The following CLASP2 variants were observed in gnomAD, a reference collection of about 807,000 sequenced individuals.
CLASP2 encodes cytoplasmic linker associated protein 2.
CLASP2 carries 47 observed loss-of-function variants against 194.4 expected under a neutral mutation model. The observed-to-expected ratio is 0.24, with a 90% CI of 0.19 to 0.31. The LOEUF is 0.31. Ranked by LOEUF, CLASP2 falls within the 10% of genes least tolerant of loss-of-function variation. CLASP2 has a pLI of 1.00. For missense variants in CLASP2, 1,445 were observed against 1,823.6 expected, an observed-to-expected ratio of 0.79 and a Z score of 3.78; for synonymous variants, 619 against 633.5, an observed-to-expected ratio of 0.98 and a Z score of 0.34.
chr3:33,605,337 T>G (rs555137528), intron 16 of CLASP2, among the ~76,000 whole-genome samples: 1 of 152,312 alleles, frequency 6.6e-6, no homozygotes, highest in East Asian at 1.9e-4. Context: ...ATGAGGAACT[T>G]ATCACAAATT....
In CLASP2 at chr3:33,644,472, C is replaced by CA. The variant is rs375142508; in HGVS notation, c.862+284dup. On this transcript the variant is annotated intron_variant, in intron 8 of 38. Transcript: ENST00000682230. Reference sequence around the variant, plus strand: ...AAACCTGTTCTCTGCTTAAAAAAAACAAAAAAACCCCAAAAAACTTCCATA... The same window carrying CA: ...AAACCTGTTCTCTGCTTAAAAAAAACAAAAAAAACCCCAAAAAACTTCCATA... The CA allele has an allele frequency of 2.5e-3, 876 of 350,396 alleles. 10 individuals carry two copies. Among genetic ancestry groups the CA allele is most frequent in the African/African-American group, 0.018 (831 of 46,258 alleles). The allele number at this position is 350,396 out of a possible 1,614,324, so 21.7% of individuals were successfully genotyped here. A position where few individuals can be genotyped will look rare whatever the true frequency, so the allele number is the denominator to read the frequency against.
intron 5 of CLASP2, among the ~76,000 whole-genome samples, chr3:33,685,032 A>AATAT (rs2090443685): frequency 7.1e-6 from 1 of 141,190 alleles, no homozygotes; most frequent in Admixed American, 7.2e-5. Flanking sequence ...TAAATAAATA[A>AATAT]TAATAATAAT....
At chr3:33,676,598 C>T (rs2088695971) in intron 6 of CLASP2, among the ~76,000 whole-genome samples, 1 of 152,028 alleles carries the variant, frequency 6.6e-6, no homozygotes, top group South Asian at 2.1e-4. Context: ...ACCATAAAAA[C>T]CCTAGAAGAA....
chr3:33,677,634 G>C (rs1217339017), intron 6 of CLASP2, among the ~76,000 whole-genome samples: 2 of 150,386 alleles, frequency 1.3e-5, no homozygotes, highest in African/African-American at 4.9e-5. Flanking sequence ...CAGCACACCA[G>C]CATGTCACAT....
At chr3:33,499,555 T>C (rs1428740358) in intron 38 of CLASP2, among the ~76,000 whole-genome samples, 1 of 152,012 alleles carries the variant, frequency 6.6e-6, no homozygotes, top group African/African-American at 2.4e-5. Flanking sequence ...TTCACCGTGT[T>C]AGCCAGGATG....
chr3:33,694,868 A>G (rs1192220439), intron 2 of CLASP2, among the ~76,000 whole-genome samples: 2 of 151,996 alleles, frequency 1.3e-5, no homozygotes, highest in Non-Finnish European at 2.9e-5. Context: ...TTGAGTGTTG[A>G]GGAGGCTGAG....
rs1439250810 is a variant in CLASP2, at chr3:33,606,722, T to C, written c.1563A>G (p.Glu521=). 2.5e-6 allele frequency: 4 copies of C among 1,613,100 alleles called. No homozygotes were observed. Among genetic ancestry groups the C allele is most frequent in the Middle Eastern group, 1.7e-4 (1 of 6,060 alleles). The change falls in exon 16 of 39, where the codon GAA becomes GAG. Residue 521 remains glutamate, a synonymous_variant. Transcript: ENST00000682230. The part of the protein sequence containing the change: ...YMGLRNHFPG[E]AETLYNSLEP... The stretch of plus-strand genomic sequence containing the variant: ...CAAGGGAATTATATAATGTTTCAGC[T>C]TCACCAGGAAAGTGGTTTCTAAGAC...
At chr3:33,530,032 T>C (rs1382672140) in intron 34 of CLASP2, among the ~76,000 whole-genome samples, 1 of 131,194 alleles carries the variant, frequency 7.6e-6, no homozygotes, top group African/African-American at 2.8e-5. Flanking sequence ...GGTAATAACA[T>C]GCATGGGGCT....
At chr3:33,671,267 C>A (rs990569571) in intron 6 of CLASP2, among the ~76,000 whole-genome samples, 6 of 152,104 alleles carry the variant, frequency 3.9e-5, no homozygotes, top group African/African-American at 1.4e-4. Flanking sequence ...CCATACCTTA[C>A]CAACACATTA....
chr3:33,580,493 G>A (rs2065814313), intron 23 of CLASP2, among the ~76,000 whole-genome samples: 2 of 152,012 alleles, frequency 1.3e-5, no homozygotes, highest in Admixed American at 6.5e-5. Context: ...AACCTGGAAG[G>A]TGGAGGTTGC....
At position 33,584,881 on chromosome 3, in the gene CLASP2, G is replaced by A. The variant is rs763108253; in HGVS notation, c.2108C>T (p.Thr703Ile). The A allele has an allele frequency of 6.2e-7, 1 of 1,613,680 alleles. No homozygotes were observed. The highest frequency in any genetic ancestry group is 8.5e-7 in the Non-Finnish European group (1 of 1,179,802). The change falls in exon 22 of 39, where the codon ACA becomes ATA. Residue 703 changes from threonine (T) to isoleucine (I), a missense_variant. Transcript: ENST00000682230. ...RSGSPGRVLT[T>I]TALSTVSSGV... The stretch of plus-strand genomic sequence containing the variant: ...AGAGCTCACAGTGGACAGGGCTGTT[G>A]TGGTCAGAACTCTTCCTGGAGACCC...
intron 24 of CLASP2, 112 bp downstream of exon 24, chr3:33,576,057 A>G: frequency 1.4e-6 from 1 of 730,924 alleles, no homozygotes; most frequent in Non-Finnish European, 2.3e-6. Context: ...TTATCTTTAG[A>G]TTTAATCACT....
intron 38 of CLASP2, among the ~76,000 whole-genome samples, chr3:33,500,475 C>A (rs1301702861): frequency 1.3e-5 from 2 of 152,120 alleles, no homozygotes; most frequent in Non-Finnish European, 2.9e-5. Flanking sequence ...ACTCTTTGAT[C>A]CAAGAGTTTT....
At chr3:33,582,758 G>T (rs2066439871) in intron 22 of CLASP2, among the ~76,000 whole-genome samples, 2 of 152,072 alleles carry the variant, frequency 1.3e-5, no homozygotes, top group African/African-American at 4.8e-5. Context: ...AATATGGAAC[G>T]AAAGAAACAA....
chr3:33,514,737 G>A, intron 36 of CLASP2: 1 of 265,428 alleles, frequency 3.8e-6, no homozygotes, highest in Non-Finnish European at 7.9e-6. Context: ...GTTTATAGCA[G>A]CACAATTGGC....
chr3:33,610,289 T>C (rs1248835394), intron 13 of CLASP2, among the ~76,000 whole-genome samples: 4 of 152,302 alleles, frequency 2.6e-5, no homozygotes, highest in South Asian at 4.1e-4. Context: ...AAAGTCAAAA[T>C]TCCTTTTCAT....
rs1294352843 is a variant in CLASP2 at position 33,607,366 on chromosome 3, T to C, written c.1526+18A>G. ...AAAAAAGATTAAACTGTCACAAAAC[T>C]ATACTACACTGACTTACTTTCTTGC... On this transcript the variant is annotated intron_variant, in intron 15 of 38. Coordinates refer to ENST00000682230, the MANE Select transcript of CLASP2 (RefSeq NM_001365631.1). 2 of 1,549,538 alleles carry C rather than the reference T, an allele frequency of 1.3e-6. No homozygotes were observed. Among genetic ancestry groups the C allele is most frequent in the Non-Finnish European group, 1.7e-6 (2 of 1,143,824 alleles).
intron 26 of CLASP2, among the ~76,000 whole-genome samples, chr3:33,567,205 C>T (rs1362658784): frequency 2.6e-5 from 4 of 152,112 alleles, no homozygotes; most frequent in Non-Finnish European, 5.9e-5. Flanking sequence ...TCTGTGAAGG[C>T]TTGAAACAAT....
At chr3:33,531,919 TG>T (rs2056407679) in intron 34 of CLASP2, among the ~76,000 whole-genome samples, 1 of 152,064 alleles carries the variant, frequency 6.6e-6, no homozygotes, top group Non-Finnish European at 1.5e-5. Flanking sequence ...TCTGCACTGG[TG>T]GTGGGGAAGT....
Sources: allele counts gnomAD v4.1 joint callset (sites outside exome capture counted in the v4.1 genomes callset), GRCh38; gene constraint gnomAD v4.1.1; transcripts MANE v1.5; gene names NCBI Gene and HGNC (gene_info 2026-07-23, HGNC 2026-07-21).